ASAP2: variants seen among roughly 807,000 people sequenced by gnomAD.
The protein encoded by ASAP2 is ArfGAP with SH3 domain, ankyrin repeat and PH domain 2, also known as arf-GAP with SH3 domain, ANK repeat and PH domain-containing protein 2.
ASAP2 carries 45 observed loss-of-function variants against 131.4 expected under a neutral mutation model. The observed-to-expected ratio is 0.34, with a 90% CI of 0.27 to 0.44. The LOEUF (loss-of-function observed/expected upper bound fraction) is 0.44. Ranked by LOEUF, ASAP2 falls within the 20% of genes least tolerant of loss-of-function variation. The pLI is 1.00. For missense variants in ASAP2, 1,011 were observed against 1,297.0 expected (o/e 0.78, Z 3.39); for synonymous variants, 510 against 503.0 (o/e 1.01, Z -0.19).
At chr2:9,400,918 C>A (rs1572647164) in intron 26 of ASAP2, 88 bp downstream of exon 26, 2 of 1,310,544 alleles carry the variant, frequency 1.5e-6, no homozygotes, top group East Asian at 4.8e-5. Flanking sequence ...GCAAGTCTTC[C>A]CCTCTTCCCC....
chr2:9,274,943 C>T (rs10174135), intron 1 of ASAP2, among the ~76,000 whole-genome samples: 2 of 151,892 alleles, frequency 1.3e-5, no homozygotes, highest in African/African-American at 4.8e-5. Flanking sequence ...TGATCAGGGA[C>T]GGGTGTGTCC....
At position 9,264,210 on chromosome 2, in the gene ASAP2, T is replaced by A. The variant is rs1309792771; in HGVS notation, c.127-15107T>A. On this transcript the variant is annotated intron_variant, in intron 1 of 27. Coordinates refer to ENST00000281419, the MANE Select transcript of ASAP2 (RefSeq NM_003887.3). The stretch of plus-strand genomic sequence containing the variant: ...TGTCTCAAAAAAATAATAATAATAA[T>A]AATAATAATAATAAACACAAGTACT... 3.1e-3 allele frequency among the ~76,000 whole-genome samples: 420 copies of A among 133,680 alleles called. 2 individuals are homozygous for A. The highest frequency in any genetic ancestry group is 9.8e-3 in the African/African-American group (326 of 33,202). 87.7% of individuals were successfully genotyped at this position (133,680 alleles called of 152,430 possible). A position where few individuals can be genotyped will look rare whatever the true frequency, so the allele number is the denominator to read the frequency against.
chr2:9,402,084 T>G (rs1260953016), intron 27 of ASAP2, among the ~76,000 whole-genome samples: 1 of 152,158 alleles, frequency 6.6e-6, no homozygotes, highest in East Asian at 1.9e-4. Context: ...GTGGCACAGC[T>G]CCGCAACTGA....
rs370178699 is a variant in ASAP2 at position 9,293,169 on chromosome 2, C to T, written c.200-4131C>T. Among the ~76,000 whole-genome samples the T allele has an allele frequency of 1.8e-4, 27 of 152,308 alleles. No individual in the cohort carries two copies. The East Asian group carries it at 4.0e-3, about 23-fold the overall frequency. ...TCATTGCCTCTAAACTCTGTATGTA[C>T]ACATGCATGCTGGCTTCATGATCGA... On this transcript the variant is annotated intron_variant, in intron 2 of 27. Transcript: ENST00000281419.
intron 6 of ASAP2, among the ~76,000 whole-genome samples, chr2:9,327,409 G>T (rs1233534923): frequency 2.6e-5 from 4 of 152,182 alleles, no homozygotes; most frequent in African/African-American, 7.2e-5. Flanking sequence ...AAATGTCTCA[G>T]GACGAGAGAC....
Position 9,344,806 on chromosome 2 carries a change from T to C in ASAP2, c.1023+6T>C. On this transcript the variant is annotated splice_donor_region_variant and intron_variant, in intron 11 of 27. Transcript: ENST00000281419. ...TGACCATATCCCATGGTACCGTAAGTATTCTCTTTTAATCCATGGTGTCTG... is the reference window on the plus strand; with the variant it reads ...TGACCATATCCCATGGTACCGTAAGCATTCTCTTTTAATCCATGGTGTCTG... 1 of 1,610,526 alleles carries C rather than the reference T, an allele frequency of 6.2e-7. No homozygotes were observed. The highest frequency in any genetic ancestry group is 8.5e-7 in the Non-Finnish European group (1 of 1,177,170).
At chr2:9,270,893 C>T (rs1218567245) in intron 1 of ASAP2, among the ~76,000 whole-genome samples, 5 of 149,618 alleles carry the variant, frequency 3.3e-5, no homozygotes, top group East Asian at 3.9e-4. Context: ...CCCGGGTTCA[C>T]GCCATTCTCC....
chr2:9,360,651 T>C (rs1308244971), intron 15 of ASAP2, among the ~76,000 whole-genome samples: 2 of 152,122 alleles, frequency 1.3e-5, no homozygotes, highest in Admixed American at 6.5e-5. Flanking sequence ...AATTACTCAA[T>C]GTGAAGTTGG....
chr2:9,306,053 G>C lies in ASAP2; in HGVS notation c.345+8608G>C, dbSNP rs1043889776. ...GATGGAGGGGCTGTGGGAGAGTATC[G>C]ATATGAGGTAGAGAGGCTGTAGGGG... On this transcript the variant is annotated intron_variant, in intron 3 of 27. Transcript: ENST00000281419. Among the ~76,000 whole-genome samples, 349 of 132,396 alleles carry C rather than the reference G, an allele frequency of 2.6e-3. 1 individual carries two copies. Among genetic ancestry groups the C allele is most frequent in the African/African-American group, 9.4e-3 (332 of 35,458 alleles). 86.9% of individuals were successfully genotyped at this position (132,396 alleles called of 152,430 possible). A position where few individuals can be genotyped will look rare whatever the true frequency, so the allele number is the denominator to read the frequency against.
intron 15 of ASAP2, among the ~76,000 whole-genome samples, chr2:9,364,822 A>G (rs1363600133): frequency 6.6e-6 from 1 of 152,202 alleles, no homozygotes; most frequent in Non-Finnish European, 1.5e-5. Flanking sequence ...TTACGGAGGA[A>G]CTGTTATGCT....
chr2:9,271,162 A>C (rs1023879189), intron 1 of ASAP2: 3 of 501,242 alleles, frequency 6.0e-6, no homozygotes, highest in African/African-American at 5.8e-5. Context: ...CCAAGTTAAA[A>C]GCGGACCCCA....
chr2:9,291,065 T>A (rs954021706), intron 2 of ASAP2, among the ~76,000 whole-genome samples: 8 of 152,238 alleles, frequency 5.3e-5, no homozygotes, highest in Non-Finnish European at 7.3e-5. Flanking sequence ...GGCTTTCTGC[T>A]CCTACCATAT....
chr2:9,385,305 C>T lies in ASAP2; in HGVS notation c.2077C>T (p.Leu693=). Residue 693 remains leucine, a synonymous_variant, in exon 21 of 28, where the codon CTA becomes TTA. Coordinates refer to ENST00000281419, the MANE Select transcript of ASAP2 (RefSeq NM_003887.3). ...CGTTCACGTTGAATATGAATGGCGA[C>T]TACTCCACGAAGACCTGGATGAAAG... ...SHVHVEYEWR[L]LHEDLDESDD... is the part of the protein sequence containing the mutation. The T allele has an allele frequency of 6.2e-7, 1 of 1,614,220 alleles. No individual in the cohort carries two copies. The highest frequency in any genetic ancestry group is 8.5e-7 in the Non-Finnish European group (1 of 1,180,036).
chr2:9,356,296 A>G lies in ASAP2; in HGVS notation c.1278A>G (p.Glu426=). ...AACTGACAAAGGAGATCATCTCAGA[A>G]GTGCAGAGGATGACGGGCAATGACG... ...VQELTKEIIS[E]VQRMTGNDVC... Residue 426 remains glutamate, a synonymous_variant, in exon 14 of 28, where the codon GAA becomes GAG. Transcript: ENST00000281419. 1 of 1,613,382 alleles carries G rather than the reference A, an allele frequency of 6.2e-7. No individual in the cohort carries two copies. The highest frequency in any genetic ancestry group is 8.5e-7 in the Non-Finnish European group (1 of 1,179,646).
At chr2:9,238,753 C>A (rs915350553) in intron 1 of ASAP2, among the ~76,000 whole-genome samples, 1 of 152,100 alleles carries the variant, frequency 6.6e-6, no homozygotes, top group African/African-American at 2.4e-5. Context: ...ATGAATCTTA[C>A]AAATGTACAG....
chr2:9,279,410 A>G, intron 2 of ASAP2, 21 bp downstream of exon 2: 1 of 1,607,926 alleles, frequency 6.2e-7, no homozygotes, highest in Non-Finnish European at 8.5e-7. Flanking sequence ...ATCCTTCCCT[A>G]GAGGTTTCTG....
rs1670585673 is a variant in ASAP2, at chr2:9,327,978, A to T, written c.686+67A>T. 3 of 1,214,230 alleles carry T rather than the reference A, an allele frequency of 2.5e-6. No individual in the cohort carries two copies. In the South Asian group the frequency reaches 4.4e-5, roughly 18 times the overall value. The allele number at this position is 1,214,230 out of a possible 1,614,324, so 75.2% of individuals were successfully genotyped here. ...GTGTGGCAACTTCTGGTAGATCTAT[A>T]GATAGCTCATAGGAAATAAACACCA... On this transcript the variant is annotated intron_variant, in intron 7 of 27. Transcript: ENST00000281419.
At chr2:9,313,220 C>G (rs979644205) in intron 3 of ASAP2, among the ~76,000 whole-genome samples, 3 of 152,230 alleles carry the variant, frequency 2.0e-5, no homozygotes, top group Non-Finnish European at 4.4e-5. Context: ...AGTGTTCACT[C>G]TTCTCCACTT....
In ASAP2 at chr2:9,400,202, C is replaced by T. The variant is rs1212037138; in HGVS notation, c.2734+130C>T. ...CTGCCATTCCACAGCCCTCCTGCCC[C>T]CTCCCCTCCTGCCCCCTCCCCTCCT... On this transcript the variant is annotated intron_variant, in intron 25 of 27. Transcript: ENST00000281419. The T allele has an allele frequency of 1.7e-5, 16 of 967,658 alleles. No homozygotes were observed. The Admixed American group carries it at 3.2e-4, about 20-fold the overall frequency. 59.9% of individuals were successfully genotyped at this position (967,658 alleles called of 1,614,324 possible).
Sources: allele counts gnomAD v4.1 joint callset (sites outside exome capture counted in the v4.1 genomes callset), GRCh38; gene constraint gnomAD v4.1.1; transcripts MANE v1.5; gene names NCBI Gene and HGNC (gene_info 2026-07-23, HGNC 2026-07-21).